BAIAP2L1: variants seen among roughly 807,000 people sequenced by gnomAD.
BAIAP2L1 encodes BAR/IMD domain-containing adapter protein 2-like 1.
In BAIAP2L1, 35 loss-of-function variants were observed where a neutral mutation model predicts 66.3. That is an observed-to-expected ratio of 0.53 (90% CI 0.40 to 0.70). BAIAP2L1 has a LOEUF of 0.70. Among genes scored for constraint, BAIAP2L1 ranks in the 30% least tolerant of loss-of-function variants. The probability of loss-of-function intolerance (pLI) is 0.00; values close to 1 mark genes in which losing one functional copy is unlikely to be tolerated. For missense variants in BAIAP2L1, 622 were observed against 656.9 expected, an observed-to-expected ratio of 0.95 and a Z score of 0.58; for synonymous variants, 269 against 248.7, an observed-to-expected ratio of 1.08 and a Z score of -0.77.
At chr7:98,377,285 T>C (rs1802655923) in intron 1 of BAIAP2L1, among the ~76,000 whole-genome samples, 2 of 152,212 alleles carry the variant, frequency 1.3e-5, no homozygotes, top group African/African-American at 2.4e-5. Flanking sequence ...TAGGGAATGA[T>C]ACATGTCTCC....
chr7:98,377,120 G>A (rs373050285), intron 1 of BAIAP2L1, among the ~76,000 whole-genome samples: 1 of 152,130 alleles, frequency 6.6e-6, no homozygotes, highest in East Asian at 1.9e-4. Flanking sequence ...CACAATCATG[G>A]AAGCCAATTT....
intron 11 of BAIAP2L1, among the ~76,000 whole-genome samples, chr7:98,304,968 T>C (rs1262640512): frequency 6.6e-6 from 1 of 150,530 alleles, no homozygotes; most frequent in East Asian, 1.9e-4. Flanking sequence ...CTGGTTCAAG[T>C]GATTCTCCTG....
At chr7:98,308,411 C>T (rs1800746463) in intron 9 of BAIAP2L1, 1 of 395,372 alleles carries the variant, frequency 2.5e-6, no homozygotes, top group Non-Finnish European at 5.1e-6. Context: ...GGATGAGTTC[C>T]ATTTACAGAG....
At chr7:98,324,194 G>A (rs1304083721) in intron 3 of BAIAP2L1, among the ~76,000 whole-genome samples, 4 of 152,146 alleles carry the variant, frequency 2.6e-5, no homozygotes, top group East Asian at 1.9e-4. Flanking sequence ...GAAACTCAGC[G>A]CCGTCATTAC....
intron 11 of BAIAP2L1, among the ~76,000 whole-genome samples, chr7:98,305,531 C>T (rs895190496): frequency 1.3e-5 from 2 of 152,018 alleles, no homozygotes; most frequent in Non-Finnish European, 2.9e-5. Context: ...TCGATCCTCC[C>T]GCCTCAGCCT....
intron 3 of BAIAP2L1, among the ~76,000 whole-genome samples, chr7:98,348,085 A>G (rs1450501199): frequency 6.6e-6 from 1 of 152,124 alleles, no homozygotes; most frequent in African/African-American, 2.4e-5. Flanking sequence ...GTGTATATCT[A>G]TGTAACAAAC....
At chr7:98,370,647 G>T in intron 1 of BAIAP2L1, among the ~76,000 whole-genome samples, 1 of 151,566 alleles carries the variant, frequency 6.6e-6, no homozygotes, top group Non-Finnish European at 1.5e-5. Context: ...GACTACAGGC[G>T]CCCGCCACCA....
Position 98,315,614 on chromosome 7 carries a change from T to TAAA in BAIAP2L1, c.487-5_487-3dup. 7 of 772,396 alleles carry TAAA rather than the reference T, an allele frequency of 9.1e-6. No individual in the cohort carries two copies. The highest frequency in any genetic ancestry group is 4.4e-5 in the Admixed American group (1 of 22,808). The allele number at this position is 772,396 out of a possible 1,614,324, so 47.8% of individuals were successfully genotyped here. A position where few individuals can be genotyped will look rare whatever the true frequency, so the allele number is the denominator to read the frequency against. On this transcript the variant is annotated splice_polypyrimidine_tract_variant and splice_region_variant and intron_variant, in intron 6 of 13. Transcript: ENST00000005260. The stretch of plus-strand genomic sequence containing the variant: ...ACGAGAAGTAACGGTCTCCACATAC[T>TAAA]AAAAAAAAAAAAATAATAATAATAA...
At chr7:98,396,443 C>T (rs1249635113) in intron 1 of BAIAP2L1, among the ~76,000 whole-genome samples, 4 of 152,132 alleles carry the variant, frequency 2.6e-5, no homozygotes, top group Non-Finnish European at 4.4e-5. Context: ...ATTCCAGTGA[C>T]ACCTTAGATC....
chr7:98,343,294 C>G (rs1008726294), intron 3 of BAIAP2L1, among the ~76,000 whole-genome samples: 117 of 147,920 alleles, frequency 7.9e-4, no homozygotes, highest in Middle Eastern at 3.4e-3. Context: ...CACAGACACA[C>G]ACACACACTA....
At chr7:98,326,104 C>A (rs1043433739) in intron 3 of BAIAP2L1, among the ~76,000 whole-genome samples, 1 of 152,122 alleles carries the variant, frequency 6.6e-6, no homozygotes, top group African/African-American at 2.4e-5. Context: ...CAGTGAAACC[C>A]CATCTCTCCA....
Position 98,293,432 on chromosome 7 carries a change from T to TCC in BAIAP2L1, c.*87_*88dup. ...AGAGTTAGGCCTCTCCACTGAAGCT[T>TCC]CCCGACCGTCAGCACGTGGCAGACA... On this transcript the variant is annotated 3_prime_UTR_variant, in exon 14 of 14. Coordinates refer to ENST00000005260, the MANE Select transcript of BAIAP2L1 (RefSeq NM_018842.5). 7.9e-7 allele frequency: 1 copy of TCC among 1,262,296 alleles called. No individual in the cohort carries two copies. Among genetic ancestry groups the TCC allele is most frequent in the Non-Finnish European group, 1.1e-6 (1 of 870,250 alleles). 78.2% of individuals were successfully genotyped at this position (1,262,296 alleles called of 1,614,324 possible). A position where few individuals can be genotyped will look rare whatever the true frequency, so the allele number is the denominator to read the frequency against.
intron 11 of BAIAP2L1, among the ~76,000 whole-genome samples, chr7:98,305,133 T>C (rs958243640): frequency 1.3e-4 from 20 of 149,338 alleles, no homozygotes; most frequent in African/African-American, 4.4e-4. Context: ...TCAGGTGATC[T>C]GCCCGCCTCG....
At chr7:98,388,987 A>C (rs7783029) in intron 1 of BAIAP2L1, among the ~76,000 whole-genome samples, 201 of 150,258 alleles carry the variant, frequency 1.3e-3, no homozygotes, top group Non-Finnish European at 1.6e-3. Flanking sequence ...AAAAAAAACA[A>C]AAAACAAACC....
intron 4 of BAIAP2L1, 32 bp downstream of exon 4, chr7:98,320,205 G>A (rs1801204723): frequency 1.3e-6 from 2 of 1,589,494 alleles, no homozygotes; most frequent in South Asian, 1.1e-5. Context: ...TGAAATGAGT[G>A]TATTTTGTAA....
At chr7:98,331,537 C>T (rs1051818145) in intron 3 of BAIAP2L1, among the ~76,000 whole-genome samples, 4 of 143,762 alleles carry the variant, frequency 2.8e-5, no homozygotes, top group East Asian at 4.1e-4. Context: ...GGCGTGATCT[C>T]GGCTCACCGT....
At chr7:98,293,933 G>T (rs1342159236) in intron 13 of BAIAP2L1, 141 bp downstream of exon 13, 8 of 981,938 alleles carry the variant, frequency 8.1e-6, no homozygotes, top group Non-Finnish European at 1.2e-5. Context: ...GCGAGCAGGG[G>T]GCTGCACTCC....
chr7:98,310,597 G>T lies in BAIAP2L1; in HGVS notation c.808-5C>A, dbSNP rs777828564. 6.4e-7 allele frequency: 1 copy of T among 1,555,962 alleles called. No homozygotes were observed. Among genetic ancestry groups the T allele is most frequent in the East Asian group, 2.4e-5 (1 of 42,328 alleles). The stretch of plus-strand genomic sequence containing the variant: ...GGTGTCGTAATCTTTCCTAACCTGT[G>T]AAAAATTCTTTATTAGTCCAATATT... On this transcript the variant is annotated splice_polypyrimidine_tract_variant and splice_region_variant and intron_variant, in intron 8 of 13. Transcript: ENST00000005260.
In BAIAP2L1 at chr7:98,396,549, C is replaced by T. The variant is rs189156056; in HGVS notation, c.51+4253G>A. On this transcript the variant is annotated intron_variant, in intron 1 of 13. Transcript: ENST00000005260. ...GGCATGGTAAGTGGGATGTGGCAGCCGGTCACTAAGAGACTCTAGGACTCA... is the reference window on the plus strand; with the variant it reads ...GGCATGGTAAGTGGGATGTGGCAGCTGGTCACTAAGAGACTCTAGGACTCA... Among the ~76,000 whole-genome samples the T allele has an allele frequency of 2.0e-3, 304 of 152,206 alleles. 2 individuals are homozygous for T. The highest frequency in any genetic ancestry group is 7.0e-3 in the African/African-American group (291 of 41,542).
Sources: gnomAD v4.1 joint callset for allele counts (sites outside exome capture counted in the v4.1 genomes callset) on GRCh38, gnomAD v4.1.1 for gene constraint, MANE v1.5 for transcripts, NCBI Gene and HGNC (gene_info 2026-07-23, HGNC 2026-07-21) for gene names.